CACNB2: variants seen among roughly 807,000 people sequenced by gnomAD.
The protein encoded by CACNB2 is voltage-dependent L-type calcium channel subunit beta-2.
Under a neutral mutation model 73.3 loss-of-function variants are expected in CACNB2, and 42 were observed. That is an observed-to-expected ratio of 0.57 (90% CI 0.45 to 0.74). The LOEUF (loss-of-function observed/expected upper bound fraction) is 0.74, where lower values mean the gene tolerates loss of function less well. CACNB2 is among the 30% of genes least tolerant of loss of function. The pLI is 0.00. For missense variants in CACNB2, 940 were observed against 853.0 expected, an observed-to-expected ratio of 1.10 and a Z score of -1.27; for synonymous variants, 348 against 310.3, an observed-to-expected ratio of 1.12 and a Z score of -1.28.
chr10:18,435,626 G>A (rs1400218356), intron 3 of CACNB2, among the ~76,000 whole-genome samples: 1 of 151,916 alleles, frequency 6.6e-6, no homozygotes, highest in Non-Finnish European at 1.5e-5. Context: ...AGCCTCCCAA[G>A]TAGCTGAGAC....
At position 18,229,329 on chromosome 10, in the gene CACNB2, C is replaced by T. The variant is rs765480108; in HGVS notation, c.213+78354C>T. The stretch of plus-strand genomic sequence containing the variant: ...TTATTCCCATATTGAGGGGTTGAGG[C>T]AGAAGTTCAAAACTTTAGTTGTATT... On this transcript the variant is annotated intron_variant, in intron 2 of 13. Coordinates refer to ENST00000324631, the MANE Select transcript of CACNB2 (RefSeq NM_201596.3). Among the ~76,000 whole-genome samples, 117 of 152,242 alleles carry T rather than the reference C, an allele frequency of 7.7e-4. 1 individual carries two copies. Among genetic ancestry groups the T allele is most frequent in the Non-Finnish European group, 1.5e-3 (105 of 68,010 alleles).
intron 2 of CACNB2, among the ~76,000 whole-genome samples, chr10:18,333,976 A>G (rs1476109005): frequency 6.6e-6 from 1 of 152,220 alleles, no homozygotes; most frequent in Non-Finnish European, 1.5e-5. Context: ...CAAATGAGAA[A>G]GTTGTCCCGA....
At chr10:18,419,324 G>T (rs2045189028) in intron 3 of CACNB2, among the ~76,000 whole-genome samples, 1 of 145,778 alleles carries the variant, frequency 6.9e-6, no homozygotes, top group Admixed American at 7.0e-5. Context: ...CAGCATACTT[G>T]CATGGATCCC....
intron 13 of CACNB2, 91 bp downstream of exon 13, chr10:18,538,456 C>T (rs1259288212): frequency 9.0e-7 from 1 of 1,112,322 alleles, no homozygotes; most frequent in East Asian, 2.4e-5. Context: ...AGCCCAGTAG[C>T]CTGCTTGGGG....
intron 2 of CACNB2, among the ~76,000 whole-genome samples, chr10:18,157,017 G>T (rs547720520): frequency 1.3e-5 from 2 of 151,000 alleles, no homozygotes; most frequent in Admixed American, 1.3e-4. Context: ...CACTCAGATT[G>T]CGCCATTGCA....
At chr10:18,478,278 C>G (rs1188809537) in intron 3 of CACNB2, among the ~76,000 whole-genome samples, 3 of 152,268 alleles carry the variant, frequency 2.0e-5, no homozygotes, top group African/African-American at 7.2e-5. Flanking sequence ...CTATTTCCCA[C>G]AGAACATTCT....
At chr10:18,419,364 T>C (rs1301554128) in intron 3 of CACNB2, among the ~76,000 whole-genome samples, 4 of 152,004 alleles carry the variant, frequency 2.6e-5, no homozygotes, top group Non-Finnish European at 5.9e-5. Context: ...AGGTAAGACA[T>C]AGAAAATGCA....
intron 2 of CACNB2, among the ~76,000 whole-genome samples, chr10:18,338,663 CTT>C (rs2041099460): frequency 2.9e-5 from 3 of 102,534 alleles, no homozygotes; most frequent in South Asian, 6.4e-4. Context: ...CTCTCTTTTT[CTT>C]TTTTTCTCTC....
At chr10:18,232,523 G>A (rs2036261337) in intron 2 of CACNB2, among the ~76,000 whole-genome samples, 1 of 152,172 alleles carries the variant, frequency 6.6e-6, no homozygotes, top group African/African-American at 2.4e-5. Flanking sequence ...CAGTGAGAAA[G>A]TTGATTGAAT....
chr10:18,180,688 C>T (rs1214589561), intron 2 of CACNB2, among the ~76,000 whole-genome samples: 1 of 152,100 alleles, frequency 6.6e-6, no homozygotes. Context: ...TAGAAGAGGC[C>T]AGGCGCGGTG....
intron 2 of CACNB2, among the ~76,000 whole-genome samples, chr10:18,282,601 G>T (rs1417949433): frequency 1.3e-5 from 2 of 152,206 alleles, no homozygotes; most frequent in Non-Finnish European, 2.9e-5. Flanking sequence ...TTCATAGAAT[G>T]CTGAGCACTC....
At chr10:18,169,198 TA>T (rs1554764220) in intron 2 of CACNB2, among the ~76,000 whole-genome samples, 3 of 151,726 alleles carry the variant, frequency 2.0e-5, no homozygotes, top group Admixed American at 6.6e-5. Context: ...TATATATTTT[TA>T]AAAAAAATAA....
At chr10:18,291,437 G>C (rs918510043) in intron 2 of CACNB2, among the ~76,000 whole-genome samples, 32 of 152,228 alleles carry the variant, frequency 2.1e-4, no homozygotes, top group Admixed American at 2.1e-3. Flanking sequence ...TTTTTTCAAG[G>C]GACTACTCCA....
chr10:18,197,806 C>T (rs889453519), intron 2 of CACNB2, among the ~76,000 whole-genome samples: 1 of 151,768 alleles, frequency 6.6e-6, no homozygotes, highest in Non-Finnish European at 1.5e-5. Flanking sequence ...GGCGTGAGGC[C>T]TCTTATGAAG....
intron 3 of CACNB2, among the ~76,000 whole-genome samples, chr10:18,497,463 G>T (rs560483011): frequency 1.3e-5 from 2 of 151,966 alleles, no homozygotes; most frequent in Non-Finnish European, 2.9e-5. Context: ...TTTGTCCCCC[G>T]GGCTGGAGTG....
intron 9 of CACNB2, chr10:18,519,612 T>C: frequency 2.3e-6 from 1 of 430,090 alleles, no homozygotes; most frequent in Non-Finnish European, 4.6e-6. Flanking sequence ...CTCATGAGTA[T>C]TTCCTGTTCT....
At chr10:18,296,896 G>A (rs1293938027) in intron 2 of CACNB2, among the ~76,000 whole-genome samples, 1 of 152,204 alleles carries the variant, frequency 6.6e-6, no homozygotes, top group African/African-American at 2.4e-5. Flanking sequence ...AGTAGTTGTT[G>A]ACTTTGGACA....
At chr10:18,512,408 T>A (rs573262672) in intron 6 of CACNB2, among the ~76,000 whole-genome samples, 1 of 152,226 alleles carries the variant, frequency 6.6e-6, no homozygotes, top group African/African-American at 2.4e-5. Flanking sequence ...CCCTGAATCA[T>A]TGGCCTTGTG....
At chr10:18,448,096 G>C (rs2046825852) in intron 3 of CACNB2, among the ~76,000 whole-genome samples, 1 of 152,124 alleles carries the variant, frequency 6.6e-6, no homozygotes, top group African/African-American at 2.4e-5. Flanking sequence ...GGCTTAAGCA[G>C]TCCTCCCACT....
Sources: allele counts gnomAD v4.1 joint callset (sites outside exome capture counted in the v4.1 genomes callset), GRCh38; gene constraint gnomAD v4.1.1; transcripts MANE v1.5; gene names NCBI Gene and HGNC (gene_info 2026-07-23, HGNC 2026-07-21).